INTS4: variants seen among roughly 807,000 people sequenced by gnomAD.
INTS4 encodes the protein integrator complex subunit 4, also known as MSTP093.
Under a neutral mutation model 119.5 loss-of-function variants are expected in INTS4, and 70 were observed. The ratio of observed to expected loss-of-function variants is 0.59; its 90% CI spans 0.48 to 0.71. The LOEUF (loss-of-function observed/expected upper bound fraction) is 0.71. Ranked by LOEUF, INTS4 falls within the 30% of genes least tolerant of loss-of-function variation. INTS4 has a pLI of 0.00. For missense variants in INTS4, 867 were observed against 1,173.2 expected, an observed-to-expected ratio of 0.74 and a Z score of 3.81; for synonymous variants, 316 against 419.6, an observed-to-expected ratio of 0.75 and a Z score of 3.02.
At chr11:77,957,313 C>T (rs1290987106) in intron 7 of INTS4, among the ~76,000 whole-genome samples, 1 of 152,052 alleles carries the variant, frequency 6.6e-6, no homozygotes, top group Non-Finnish European at 1.5e-5. Flanking sequence ...CACTGAGATA[C>T]TGAGGCGGGC....
chr11:77,918,178 T>C (rs1311611410), intron 15 of INTS4: 1 of 693,428 alleles, frequency 1.4e-6, no homozygotes, highest in African/African-American at 1.8e-5. Context: ...ACGCCTGTAA[T>C]TCCAGCACTT....
intron 8 of INTS4, among the ~76,000 whole-genome samples, chr11:77,947,754 A>C (rs1266853334): frequency 6.6e-6 from 1 of 152,248 alleles, no homozygotes; most frequent in Non-Finnish European, 1.5e-5. Context: ...ACAAAAATAT[A>C]AATTGAAGTG....
chr11:77,984,481 G>C (rs1045947608), intron 2 of INTS4, among the ~76,000 whole-genome samples: 3 of 150,648 alleles, frequency 2.0e-5, no homozygotes, highest in Non-Finnish European at 1.5e-5. Flanking sequence ...GTGACAGAGT[G>C]AGACTCTGTG....
rs988431438 is a variant in INTS4 at position 77,907,821 on chromosome 11, T to A, written c.1923-11A>T. ...AGTCTTTGCAGATCCCTATAGTAAA[T>A]AAAACCCCCAAGGCAAACACAGGAT... On this transcript the variant is annotated splice_polypyrimidine_tract_variant and intron_variant, in intron 15 of 22. Transcript: ENST00000534064. 2.3e-5 allele frequency: 36 copies of A among 1,569,232 alleles called. No individual in the cohort carries two copies. The highest frequency in any genetic ancestry group is 3.1e-5 in the Non-Finnish European group (35 of 1,141,432).
chr11:77,979,228 T>C lies in INTS4; in HGVS notation c.365-126A>G, dbSNP rs1033836699. ...ACTCACAACTGTAATCCCAGCACTT[T>C]GAGAAGCCTAGGCAGGAGAATCCCT... On this transcript the variant is annotated intron_variant, in intron 3 of 22. Coordinates refer to ENST00000534064, the MANE Select transcript of INTS4 (RefSeq NM_033547.4). The C allele has an allele frequency of 5.4e-6, 3 of 555,624 alleles. No homozygotes were observed. In the African/African-American group the frequency reaches 5.6e-5, roughly 10 times the overall value. The allele number at this position is 555,624 out of a possible 1,614,324, so 34.4% of individuals were successfully genotyped here.
chr11:77,991,198 A>C lies in INTS4; in HGVS notation c.156T>G (p.Ala52=), dbSNP rs573205969. 3.0e-5 allele frequency: 49 copies of C among 1,614,180 alleles called. No homozygotes were observed. The highest frequency in any genetic ancestry group is 3.8e-5 in the Non-Finnish European group (45 of 1,180,034). ...TGGCAAACTGGAGCAAGTATTGCAA[A>C]GCATCTGCTGGGGAGGTAGCTTTAC... ...DLCKATSPAD[A]LQYLLQFARK... The change falls in exon 2 of 23, where the codon GCT becomes GCG. Residue 52 remains alanine (A), a synonymous_variant. Transcript: ENST00000534064.
intron 19 of INTS4, 67 bp downstream of exon 19, chr11:77,894,223 T>C (rs1952411367): frequency 1.3e-6 from 1 of 783,940 alleles, no homozygotes; most frequent in Non-Finnish European, 2.2e-6. Flanking sequence ...ATTGTTCCTA[T>C]TGCCTGCAAG....
At chr11:77,944,265 C>T (rs1158508369) in intron 8 of INTS4, among the ~76,000 whole-genome samples, 1 of 152,144 alleles carries the variant, frequency 6.6e-6, no homozygotes, top group Non-Finnish European at 1.5e-5. Context: ...TGCTGCAGAA[C>T]CTGGCTTCTG....
rs1054909908 is a variant in INTS4 at position 77,879,085 on chromosome 11, G to A, written c.2756C>T (p.Ser919Phe). Reference protein sequence around the residue: ...VEVRLLLAYNSSARIPKCPWM... With the variant: ...VEVRLLLAYNFSARIPKCPWM... ...GGGGCATTTTGGAATGCGAGCACTG[G>A]AGTTGTAGGCCAGCAGCAGCCTCAC... Residue 919 changes from serine (S) to phenylalanine (F), a missense_variant, in exon 23 of 23, where the codon TCC becomes TTC. By Grantham distance (155) the Ser-to-Phe change is radical (BLOSUM62 -2). Coordinates refer to ENST00000534064, the MANE Select transcript of INTS4 (RefSeq NM_033547.4). 6.2e-7 allele frequency: 1 copy of A among 1,614,034 alleles called. No homozygotes were observed. Among genetic ancestry groups the A allele is most frequent in the Non-Finnish European group, 8.5e-7 (1 of 1,180,036 alleles).
chr11:77,965,410 G>A (rs1489699665), intron 4 of INTS4, among the ~76,000 whole-genome samples: 1 of 152,056 alleles, frequency 6.6e-6, no homozygotes, highest in Non-Finnish European at 1.5e-5. Flanking sequence ...CTATGTAATA[G>A]ATCTCAAAAC....
intron 1 of INTS4, among the ~76,000 whole-genome samples, chr11:77,993,147 T>C (rs1046512122): frequency 7.2e-5 from 11 of 152,152 alleles, no homozygotes; most frequent in Non-Finnish European, 1.0e-4. Flanking sequence ...CCAGGCCCTA[T>C]TGTCCATCTC....
intron 2 of INTS4, among the ~76,000 whole-genome samples, chr11:77,989,503 A>G (rs983346185): frequency 6.6e-6 from 1 of 152,144 alleles, no homozygotes; most frequent in African/African-American, 2.4e-5. Flanking sequence ...GCGAAAAAAT[A>G]GAGCAAATTT....
chr11:77,901,385 A>C (rs747338918), intron 18 of INTS4, 36 bp downstream of exon 18: 1 of 1,610,516 alleles, frequency 6.2e-7, no homozygotes, highest in African/African-American at 1.3e-5. Context: ...CTTTGAAAGG[A>C]ACATGCCACA....
chr11:77,962,322 T>G (rs1954495890), intron 4 of INTS4, among the ~76,000 whole-genome samples: 1 of 152,220 alleles, frequency 6.6e-6, no homozygotes, highest in Non-Finnish European at 1.5e-5. Flanking sequence ...CCATAATGGC[T>G]GTACTAATTT....
intron 19 of INTS4, among the ~76,000 whole-genome samples, chr11:77,892,154 T>C (rs1342111289): frequency 3.3e-5 from 5 of 152,224 alleles, no homozygotes; most frequent in Non-Finnish European, 5.9e-5. Context: ...TTAATTATTT[T>C]AACAAATACA....
intron 1 of INTS4, among the ~76,000 whole-genome samples, chr11:77,992,882 C>A (rs538179882): frequency 2.4e-4 from 37 of 152,152 alleles, no homozygotes; most frequent in Non-Finnish European, 5.0e-4. Flanking sequence ...ATCTTTTCAG[C>A]GGAGAAAAAA....
Position 77,903,617 on chromosome 11 carries a change from A to G in INTS4, c.2020T>C (p.Leu674=). ...LRCQLLLIKA[L]QEKLWNVAAP... is the part of the protein sequence containing the mutation. ...GCTACATTCCACAACTTTTCCTGCAAGGCCTACGCAGACAAATCAGGAGGG... is the reference window on the plus strand; with the variant it reads ...GCTACATTCCACAACTTTTCCTGCAGGGCCTACGCAGACAAATCAGGAGGG... Residue 674 remains leucine (L), a synonymous_variant, in exon 17 of 23, where the codon TTG becomes CTG. Transcript: ENST00000534064. 1 of 1,613,064 alleles carries G rather than the reference A, an allele frequency of 6.2e-7. No individual in the cohort carries two copies. The highest frequency in any genetic ancestry group is 8.5e-7 in the Non-Finnish European group (1 of 1,179,330).
intron 15 of INTS4, among the ~76,000 whole-genome samples, chr11:77,909,424 A>T (rs1328018029): frequency 1.3e-5 from 2 of 152,220 alleles, no homozygotes; most frequent in Non-Finnish European, 2.9e-5. Context: ...GTTTCTAGTG[A>T]GGGCTCATTT....
At chr11:77,924,232 T>TAAA (rs71046926) in intron 12 of INTS4, among the ~76,000 whole-genome samples, 6 of 142,708 alleles carry the variant, frequency 4.2e-5, no homozygotes, top group African/African-American at 1.3e-4. Context: ...CCATCTCTAC[T>TAAA]AAAAAAAAAA....
Sources: gnomAD v4.1 joint callset for allele counts (sites outside exome capture counted in the v4.1 genomes callset) on GRCh38, gnomAD v4.1.1 for gene constraint, MANE v1.5 for transcripts, NCBI Gene and HGNC (gene_info 2026-07-23, HGNC 2026-07-21) for gene names.